Variants in ZKSCAN5 observed in about 807,000 individuals in gnomAD.
ZKSCAN5 encodes the protein zinc finger protein with KRAB and SCAN domains 5.
ZKSCAN5 carries 28 observed loss-of-function variants against 60.0 expected under a neutral mutation model. The observed-to-expected ratio is 0.47, with a 90% CI of 0.35 to 0.64. The LOEUF is 0.64. ZKSCAN5 is among the 30% of genes least tolerant of loss of function. The pLI, the probability that ZKSCAN5 is intolerant of heterozygous loss-of-function variation, is 0.01. For missense variants in ZKSCAN5, 881 were observed against 1,034.6 expected (o/e 0.85, Z 2.04); for synonymous variants, 361 against 371.2 (o/e 0.97, Z 0.31).
chr7:99,529,131 A>G (rs563646851), intron 6 of ZKSCAN5, among the ~76,000 whole-genome samples: 35 of 151,750 alleles, frequency 2.3e-4, no homozygotes, highest in African/African-American at 8.2e-4. Context: ...CCACCCAGTT[A>G]TGTATTTGTT....
In ZKSCAN5 at chr7:99,517,019, A is replaced by G. The variant is rs1309873031; in HGVS notation, c.554-2808A>G. On this transcript the variant is annotated intron_variant, in intron 3 of 6. Transcript: ENST00000326775. ...GCCACACATAAAATACACAAACACTAACCATAGCTGATGAGCTTAAACAAA... is the reference window on the plus strand; with the variant it reads ...GCCACACATAAAATACACAAACACTGACCATAGCTGATGAGCTTAAACAAA... Among the ~76,000 whole-genome samples, 6 of 152,278 alleles carry G rather than the reference A, an allele frequency of 3.9e-5. No homozygotes were observed. The East Asian group carries it at 1.2e-3, about 29-fold the overall frequency.
Position 99,533,102 on chromosome 7 carries a change from A to G in ZKSCAN5, c.*853A>G. ...GAATGAGGGCAGCTAAACCCATAGA[A>G]GGAGTTGGACCAAGGCGAATTACGA... On this transcript the variant is annotated 3_prime_UTR_variant, in exon 7 of 7. Coordinates refer to ENST00000326775, the MANE Select transcript of ZKSCAN5 (RefSeq NM_145102.4). 2.7e-6 allele frequency: 1 copy of G among 365,754 alleles called. No homozygotes were observed. Among genetic ancestry groups the G allele is most frequent in the Middle Eastern group, 3.9e-4 (1 of 2,572 alleles). 22.7% of individuals were successfully genotyped at this position (365,754 alleles called of 1,614,324 possible). A position where few individuals can be genotyped will look rare whatever the true frequency, so the allele number is the denominator to read the frequency against.
chr7:99,507,515 GTATA>G (rs924450077), intron 2 of ZKSCAN5, among the ~76,000 whole-genome samples: 1 of 136,706 alleles, frequency 7.3e-6, no homozygotes, highest in Non-Finnish European at 1.5e-5. Flanking sequence ...ATATATGTGT[GTATA>G]TATGTATATG....
rs34431974 is a variant in ZKSCAN5 at position 99,530,034 on chromosome 7, C to CTTT, written c.1379-1057_1379-1055dup. Among the ~76,000 whole-genome samples, 481 of 105,158 alleles carry CTTT rather than the reference C, an allele frequency of 4.6e-3. 23 individuals are homozygous for CTTT. Among genetic ancestry groups the CTTT allele is most frequent in the African/African-American group, 0.019 (470 of 25,134 alleles). The allele number at this position is 105,158 out of a possible 152,430, so 69.0% of individuals were successfully genotyped here. A position where few individuals can be genotyped will look rare whatever the true frequency, so the allele number is the denominator to read the frequency against. On this transcript the variant is annotated intron_variant, in intron 6 of 6. Transcript: ENST00000326775. ...CAGGCGTGAGCCACCTGCACCCGGC[C>CTTT]TTTTTTTTTTTTTTTTTTTGAGATG...
intron 6 of ZKSCAN5, among the ~76,000 whole-genome samples, chr7:99,528,628 T>C (rs1042205520): frequency 3.9e-5 from 6 of 152,182 alleles, no homozygotes; most frequent in African/African-American, 1.4e-4. Flanking sequence ...GGTCTGGCTC[T>C]GTTGCCCAGG....
In ZKSCAN5 at chr7:99,534,673, CTAA is replaced by C. The variant is rs1209718583; in HGVS notation, c.*2425_*2427del. 2.0e-5 allele frequency: 1 copy of C among 50,200 alleles called. No individual in the cohort carries two copies. Among genetic ancestry groups the C allele is most frequent in the East Asian group, 8.3e-4 (1 of 1,206 alleles). 3.1% of individuals were successfully genotyped at this position (50,200 alleles called of 1,614,324 possible). ...AGCCCAGTTGACAGAGCGACAGTGT[CTAA>C]AAAAAAAAAAAAAAAAAAAAAAAAC... On this transcript the variant is annotated 3_prime_UTR_variant, in exon 7 of 7. Coordinates refer to ENST00000326775, the MANE Select transcript of ZKSCAN5 (RefSeq NM_145102.4).
chr7:99,526,487 G>A (rs1801799819), intron 6 of ZKSCAN5, 69 bp downstream of exon 6: 4 of 1,541,328 alleles, frequency 2.6e-6, no homozygotes, highest in Non-Finnish European at 3.5e-6. Flanking sequence ...TATTAGTACG[G>A]TACAACAGGA....
At chr7:99,526,519 G>T (rs975815808) in intron 6 of ZKSCAN5, 101 bp downstream of exon 6, 2 of 1,497,190 alleles carry the variant, frequency 1.3e-6, no homozygotes, top group Middle Eastern at 1.8e-4. Context: ...TGATACTGGG[G>T]GGGGTAGGAA....
intron 5 of ZKSCAN5, among the ~76,000 whole-genome samples, chr7:99,525,528 A>G (rs1801739816): frequency 6.6e-6 from 1 of 151,982 alleles, no homozygotes; most frequent in Admixed American, 6.6e-5. Flanking sequence ...AACATTTAAC[A>G]TGATACAGGT....
intron 4 of ZKSCAN5, 81 bp downstream of exon 4, chr7:99,519,990 G>A (rs1233564061): frequency 1.3e-6 from 2 of 1,553,314 alleles, no homozygotes; most frequent in Non-Finnish European, 1.8e-6. Context: ...CCAGTGACTA[G>A]GCCCATCTTG....
intron 3 of ZKSCAN5, among the ~76,000 whole-genome samples, chr7:99,514,924 A>AAATG (rs1584178104): frequency 1.3e-5 from 2 of 151,360 alleles, no homozygotes; most frequent in African/African-American, 4.9e-5. Flanking sequence ...AAAAAAAAAA[A>AAATG]AATGTATTAG....
chr7:99,511,272 G>A (rs1261486890), intron 2 of ZKSCAN5, among the ~76,000 whole-genome samples: 1 of 152,146 alleles, frequency 6.6e-6, no homozygotes, highest in Non-Finnish European at 1.5e-5. Context: ...AACAGAAGGG[G>A]TGTGAGGTAG....
rs755254515 is a variant in ZKSCAN5, at chr7:99,526,368, C to T, written c.1328C>T (p.Ser443Leu). 2 of 1,603,478 alleles carry T rather than the reference C, an allele frequency of 1.2e-6. No homozygotes were observed. Among genetic ancestry groups the T allele is most frequent in the Non-Finnish European group, 8.5e-7 (1 of 1,179,966 alleles). ...NECGKNFGRH[S>L]HLIEHLKRHF... ...TGTGGGAAGAACTTCGGTCGCCATT[C>T]GCATCTGATCGAACACCTAAAACGC... The change falls in exon 6 of 7, where the codon TCG becomes TTG. Residue 443 changes from serine to leucine, a missense_variant. Physicochemically the swap from Ser to Leu is moderately radical, Grantham distance 145 (BLOSUM62 -2). Around this residue, in one of 5 missense-constraint regions of ZKSCAN5, gnomAD observed 490 missense variants for 554.5 expected, o/e 0.88. Transcript: ENST00000326775.
intron 3 of ZKSCAN5, among the ~76,000 whole-genome samples, chr7:99,513,468 A>C (rs952008269): frequency 1.3e-5 from 2 of 152,124 alleles, no homozygotes; most frequent in Admixed American, 6.5e-5. Flanking sequence ...ATCTTGGCTC[A>C]CTGCAGCCTC....
rs747459138 is a variant in ZKSCAN5, at chr7:99,531,923, C to T, written c.2194C>T (p.Leu732Phe). The change falls in exon 7 of 7, where the codon CTC (leucine) becomes TTC (phenylalanine). Residue 732 changes from leucine (L) to phenylalanine (F), a missense_variant. Physicochemically the swap from Leu to Phe is conservative, Grantham distance 22 (BLOSUM62 0). Around this residue, in one of 5 missense-constraint regions of ZKSCAN5, gnomAD observed 138 missense variants for 143.8 expected, o/e 0.96. Transcript: ENST00000326775. The part of the protein sequence containing the change: ...CGKAFGYSSD[L>F]IQHYRTHTAE... ...AAAAGCCTTTGGTTATAGCTCAGAC[C>T]TCATTCAGCATTACAGAACTCATAC... The T allele has an allele frequency of 6.2e-7, 1 of 1,614,040 alleles. No homozygotes were observed. Among genetic ancestry groups the T allele is most frequent in the African/African-American group, 1.3e-5 (1 of 74,908 alleles).
chr7:99,524,841 C>T lies in ZKSCAN5; in HGVS notation c.773-972C>T, dbSNP rs145061394. Among the ~76,000 whole-genome samples, 17 of 152,240 alleles carry T rather than the reference C, an allele frequency of 1.1e-4. No individual in the cohort carries two copies. The East Asian group carries it at 3.3e-3, about 29-fold the overall frequency. ...AAGAGGAAGGTGAAGATGGGGTTAG[C>T]TGCATAACCTGCTATCCAGTTTTAT... On this transcript the variant is annotated intron_variant, in intron 5 of 6. Coordinates refer to ENST00000326775, the MANE Select transcript of ZKSCAN5 (RefSeq NM_145102.4).
At chr7:99,521,897 T>C (rs1801555014) in intron 5 of ZKSCAN5, among the ~76,000 whole-genome samples, 1 of 152,160 alleles carries the variant, frequency 6.6e-6, no homozygotes, top group Admixed American at 6.6e-5. Context: ...TTTAAATTAA[T>C]TTCCAATAGC....
chr7:99,526,180 G>A lies in ZKSCAN5; in HGVS notation c.1140G>A (p.Gly380=). The A allele has an allele frequency of 6.2e-7, 1 of 1,614,216 alleles. No individual in the cohort carries two copies. Among genetic ancestry groups the A allele is most frequent in the Non-Finnish European group, 8.5e-7 (1 of 1,180,032 alleles). The change falls in exon 6 of 7, where the codon GGG becomes GGA. Residue 380 remains glycine, a synonymous_variant. Coordinates refer to ENST00000326775, the MANE Select transcript of ZKSCAN5 (RefSeq NM_145102.4). ...AACCGTTTAAGTGCGGAGAATGTGG[G>A]AAGAGCTACAATCAGCGGGTGCACC... is the stretch of plus-strand genomic sequence containing the variant. ...GEKPFKCGEC[G]KSYNQRVHLT... is the part of the protein sequence containing the mutation.
chr7:99,511,775 C>T (rs532878669), intron 2 of ZKSCAN5, among the ~76,000 whole-genome samples: 1 of 141,696 alleles, frequency 7.1e-6, no homozygotes, highest in East Asian at 2.1e-4. Flanking sequence ...ACGTTTTTCC[C>T]GGCTGGCTTC....
Sources: allele counts gnomAD v4.1 joint callset (sites outside exome capture counted in the v4.1 genomes callset), GRCh38; gene constraint gnomAD v4.1.1; regional missense constraint gnomAD v4.1.1; transcripts MANE v1.5; gene names NCBI Gene and HGNC (gene_info 2026-07-23, HGNC 2026-07-21).